EFHC2: variants seen among roughly 807,000 people sequenced by gnomAD.
EFHC2 encodes the protein EF-hand domain-containing family member C2.
EFHC2 carries 18 observed loss-of-function variants against 52.7 expected under a neutral mutation model. The ratio of observed to expected loss-of-function variants is 0.34; its 90% CI spans 0.24 to 0.51. The LOEUF is 0.51. EFHC2 is among the 20% of genes least tolerant of loss of function. The probability of loss-of-function intolerance (pLI) is 0.97; values close to 1 mark genes in which losing one functional copy is unlikely to be tolerated. For missense variants in EFHC2, 513 were observed against 562.5 expected (o/e 0.91, Z 0.89); for synonymous variants, 203 against 204.1 (o/e 0.99, Z 0.04).
chrX:44,341,542 A>G (rs1159953353), intron 1 of EFHC2, among the ~76,000 whole-genome samples: 2 of 112,017 alleles, frequency 1.8e-5, no homozygotes, highest in African/African-American at 6.5e-5. Context: ...TCGACCTCCC[A>G]GGCTCAAATG....
chrX:44,238,167 C>T (rs947455758), intron 8 of EFHC2, among the ~76,000 whole-genome samples: 1 of 111,387 alleles, frequency 9.0e-6, no homozygotes, highest in Non-Finnish European at 1.9e-5. Flanking sequence ...GCAACTCCAC[C>T]CTTCCAGTTG....
chrX:44,332,147 C>T (rs2038090856), intron 1 of EFHC2, among the ~76,000 whole-genome samples: 1 of 110,851 alleles, frequency 9.0e-6, no homozygotes, highest in South Asian at 3.8e-4. Flanking sequence ...GGTCTGAACA[C>T]AGCTGAGCAA....
chrX:44,285,712 A>G, intron 2 of EFHC2: 1 of 158,070 alleles, frequency 6.3e-6, no homozygotes, highest in Non-Finnish European at 1.3e-5. Flanking sequence ...AAGCCTTACG[A>G]CACCCCAAGG....
At chrX:44,281,983 T>C (rs2037705331) in intron 2 of EFHC2, among the ~76,000 whole-genome samples, 1 of 111,305 alleles carries the variant, frequency 9.0e-6, no homozygotes, top group Non-Finnish European at 1.9e-5. Flanking sequence ...TTAGTACAAT[T>C]TTCTGCGGCA....
chrX:44,219,103 C>A (rs757440263), intron 11 of EFHC2, among the ~76,000 whole-genome samples: 1 of 101,003 alleles, frequency 9.9e-6, no homozygotes, highest in Non-Finnish European at 2.0e-5. Flanking sequence ...TGTATAATTC[C>A]GTTCATATGA....
At chrX:44,194,010 C>T (rs1215255434) in intron 11 of EFHC2, among the ~76,000 whole-genome samples, 2 of 111,318 alleles carry the variant, frequency 1.8e-5, no homozygotes, top group Non-Finnish European at 3.8e-5. Context: ...TAGTTCACAA[C>T]CAGCACAACC....
At chrX:44,264,135 G>A (rs925911528) in intron 3 of EFHC2, among the ~76,000 whole-genome samples, 3 of 111,996 alleles carry the variant, frequency 2.7e-5, no homozygotes, top group African/African-American at 9.7e-5. Flanking sequence ...CCTAACAAAT[G>A]GCAGTAAAAG....
intron 4 of EFHC2, among the ~76,000 whole-genome samples, chrX:44,253,474 G>A (rs1341376361): frequency 9.0e-6 from 1 of 111,360 alleles, no homozygotes; most frequent in Non-Finnish European, 1.9e-5. Context: ...TGTGTAGGCG[G>A]TTTTCCCCTC....
At chrX:44,160,102 T>G (rs1308832189) in intron 14 of EFHC2, among the ~76,000 whole-genome samples, 3 of 112,114 alleles carry the variant, frequency 2.7e-5, no homozygotes, top group Non-Finnish European at 3.8e-5. Context: ...TTGGAGACCT[T>G]CTGTTCCACA....
chrX:44,160,896 TG>T (rs1322946602), intron 14 of EFHC2, among the ~76,000 whole-genome samples: 4 of 110,354 alleles, frequency 3.6e-5, no homozygotes, highest in Non-Finnish European at 7.6e-5. Context: ...CACACCAGCT[TG>T]GGCAACAGAG....
chrX:44,283,606 C>T (rs776077745), intron 2 of EFHC2, among the ~76,000 whole-genome samples: 3 of 94,092 alleles, frequency 3.2e-5, no homozygotes, highest in African/African-American at 4.1e-5. Context: ...CTTAGGAGTG[C>T]GTTCCGGGCT....
At chrX:44,337,459 A>G (rs1289584249) in intron 1 of EFHC2, among the ~76,000 whole-genome samples, 1 of 111,812 alleles carries the variant, frequency 8.9e-6, no homozygotes, top group Non-Finnish European at 1.9e-5. Context: ...AAACAACCTG[A>G]AGTTTCCTCT....
At chrX:44,225,563 CCA>C (rs2037226837) in intron 11 of EFHC2, 1 of 112,466 alleles carries the variant, frequency 8.9e-6, no homozygotes, top group East Asian at 2.8e-4. Flanking sequence ...AGAGTCAGGG[CCA>C]CAGAGGCCAA....
Position 44,220,102 on chromosome X carries a change from G to A in EFHC2, c.1751+9547C>T, listed in dbSNP as rs186231323. Among the ~76,000 whole-genome samples, 4 of 111,854 alleles carry A rather than the reference G, an allele frequency of 3.6e-5. No homozygotes were observed. In the East Asian group the frequency reaches 8.4e-4, roughly 24 times the overall value. ...TGAAGCATACTCCACTAATAGCTTC[G>A]TGTGTAGCCTGCTAGCATTTCTTCA... On this transcript the variant is annotated intron_variant, in intron 11 of 14. Coordinates refer to ENST00000420999, the MANE Select transcript of EFHC2 (RefSeq NM_025184.4).
At chrX:44,194,340 C>A (rs2036945609) in intron 11 of EFHC2, among the ~76,000 whole-genome samples, 1 of 111,479 alleles carries the variant, frequency 9.0e-6, no homozygotes, top group African/African-American at 3.3e-5. Context: ...AAGTCATAGA[C>A]ACGATCTAGG....
intron 11 of EFHC2, among the ~76,000 whole-genome samples, chrX:44,196,874 AG>A (rs771305736): frequency 8.9e-6 from 1 of 112,631 alleles, no homozygotes; most frequent in South Asian, 3.7e-4. Context: ...AGCATTAGAG[AG>A]GCAGAATGAA....
At chrX:44,264,557 T>G (rs2037563041) in intron 3 of EFHC2, among the ~76,000 whole-genome samples, 2 of 111,885 alleles carry the variant, frequency 1.8e-5, no homozygotes, top group African/African-American at 6.5e-5. Flanking sequence ...AAAAGAATCC[T>G]GAACACCCAT....
chrX:44,276,926 G>A (rs940144007), intron 2 of EFHC2, among the ~76,000 whole-genome samples: 1 of 111,499 alleles, frequency 9.0e-6, no homozygotes, highest in Non-Finnish European at 1.9e-5. Context: ...ACGTGAGTCA[G>A]AAAGACTATC....
chrX:44,333,303 G>T lies in EFHC2; in HGVS notation c.42+10244C>A, dbSNP rs12686918. On this transcript the variant is annotated intron_variant, in intron 1 of 14. Transcript: ENST00000420999. ...GATCGGGGAAGGCTTTAATGAGGAG[G>T]GGGGATTAAAGCCAAGTTTTGAGGG... 5.4e-3 allele frequency among the ~76,000 whole-genome samples: 605 copies of T among 111,316 alleles called. 36 individuals carry two copies. The East Asian group carries it at 0.15, about 28-fold the overall frequency.
Sources: allele counts gnomAD v4.1 joint callset (sites outside exome capture counted in the v4.1 genomes callset), GRCh38; gene constraint gnomAD v4.1.1; transcripts MANE v1.5; gene names NCBI Gene and HGNC (gene_info 2026-07-23, HGNC 2026-07-21).